LIN52: variants seen among roughly 807,000 people sequenced by gnomAD.
LIN52 encodes the protein protein lin-52 homolog.
A neutral mutation model predicts 18.5 loss-of-function variants in LIN52; 4 were observed. The ratio of observed to expected loss-of-function variants is 0.22; its 90% confidence interval spans 0.11 to 0.49. LIN52 has a LOEUF of 0.49. Ranked by LOEUF, LIN52 falls within the 20% of genes least tolerant of loss-of-function variation. The pLI, the probability that LIN52 is intolerant of heterozygous loss-of-function variation, is 0.97. For missense variants in LIN52, 102 were observed against 139.5 expected, an observed-to-expected ratio of 0.73 and a Z score of 1.35; for synonymous variants, 34 against 45.5, an observed-to-expected ratio of 0.75 and a Z score of 1.02.
At chr14:74,197,827 G>A (rs1015592333) in intron 5 of LIN52, among the ~76,000 whole-genome samples, 2 of 152,182 alleles carry the variant, frequency 1.3e-5, no homozygotes, top group African/African-American at 2.4e-5. Flanking sequence ...ACTTAAATTG[G>A]GGCAGAGGGG....
In LIN52 at chr14:74,114,137, C is replaced by T. The variant is rs1418844553; in HGVS notation, c.283+12899C>T. The T allele has an allele frequency of 1.3e-5, 13 of 984,218 alleles. No individual in the cohort carries two copies. In the Admixed American group the frequency reaches 3.1e-4, roughly 24 times the overall value. 61.0% of individuals were successfully genotyped at this position (984,218 alleles called of 1,614,324 possible). A position where few individuals can be genotyped will look rare whatever the true frequency, so the allele number is the denominator to read the frequency against. Reference sequence around the variant, plus strand: ...CTGGGACTACAGGTGTGAGCCACAGCGCCCGGCCAGAAATGCTTTTTTAAT... The same window carrying T: ...CTGGGACTACAGGTGTGAGCCACAGTGCCCGGCCAGAAATGCTTTTTTAAT... On this transcript the variant is annotated intron_variant, in intron 5 of 5. Transcript: ENST00000555028.
At chr14:74,139,975 A>G (rs2061120462) in intron 5 of LIN52, among the ~76,000 whole-genome samples, 1 of 152,178 alleles carries the variant, frequency 6.6e-6, no homozygotes, top group Admixed American at 6.5e-5. Context: ...CTTCATAGCT[A>G]GTAAAAAAGC....
intron 5 of LIN52, chr14:74,114,208 G>GTGTGTA (rs1448411119): frequency 1.0e-6 from 1 of 969,294 alleles, no homozygotes; most frequent in Non-Finnish European, 1.2e-6. Flanking sequence ...GTGTGTGTGT[G>GTGTGTA]TGTGTAGTTT....
chr14:74,116,903 A>G (rs2060968836), intron 5 of LIN52, among the ~76,000 whole-genome samples: 2 of 151,778 alleles, frequency 1.3e-5, no homozygotes, highest in Admixed American at 1.3e-4. Context: ...GTATGTTTTA[A>G]TGACTATCTT....
intron 5 of LIN52, among the ~76,000 whole-genome samples, chr14:74,166,734 G>A (rs1185546247): frequency 6.6e-6 from 1 of 152,028 alleles, no homozygotes; most frequent in African/African-American, 2.4e-5. Flanking sequence ...TTTTCCCTTG[G>A]TGTAAGGGGT....
chr14:74,130,995 CT>C (rs2061063185), intron 5 of LIN52, among the ~76,000 whole-genome samples: 1 of 152,022 alleles, frequency 6.6e-6, no homozygotes, highest in African/African-American at 2.4e-5. Flanking sequence ...TCTCTGTTGC[CT>C]GGCTGGTCTC....
At chr14:74,106,054 G>T (rs527415490) in intron 5 of LIN52, among the ~76,000 whole-genome samples, 11 of 152,272 alleles carry the variant, frequency 7.2e-5, no homozygotes, top group African/African-American at 2.6e-4. Context: ...CTCTTGGCTT[G>T]ATTTGGGCAG....
At chr14:74,133,559 G>A (rs552707785) in intron 5 of LIN52, among the ~76,000 whole-genome samples, 133 of 152,300 alleles carry the variant, frequency 8.7e-4, no homozygotes, top group Non-Finnish European at 1.5e-3. Flanking sequence ...ACTCAGTCCA[G>A]TATTGAAAAA....
At chr14:74,157,913 TTG>T (rs1432748285) in intron 5 of LIN52, among the ~76,000 whole-genome samples, 1 of 152,144 alleles carries the variant, frequency 6.6e-6, no homozygotes, top group Non-Finnish European at 1.5e-5. Flanking sequence ...ATTAAGGGCT[TTG>T]TGCATCATTT....
intron 5 of LIN52, among the ~76,000 whole-genome samples, chr14:74,121,337 C>T (rs1415672676): frequency 6.6e-6 from 1 of 152,136 alleles, no homozygotes; most frequent in African/African-American, 2.4e-5. Flanking sequence ...TTTCTTATAC[C>T]ACTAGCCATA....
intron 5 of LIN52, among the ~76,000 whole-genome samples, chr14:74,192,068 A>T (rs1178941778): frequency 1.3e-5 from 2 of 151,270 alleles, no homozygotes; most frequent in South Asian, 4.2e-4. Context: ...ATTCACACAG[A>T]TGCAAGTCAT....
chr14:74,194,131 G>T (rs1471133576), intron 5 of LIN52, among the ~76,000 whole-genome samples: 1 of 152,202 alleles, frequency 6.6e-6, no homozygotes, highest in Admixed American at 6.5e-5. Flanking sequence ...ATTGGGGAAA[G>T]GTGCAGAGCC....
intron 5 of LIN52, among the ~76,000 whole-genome samples, chr14:74,149,386 T>C (rs2061166822): frequency 6.6e-6 from 1 of 152,204 alleles, no homozygotes; most frequent in Non-Finnish European, 1.5e-5. Flanking sequence ...TCTAAATTCA[T>C]AGGTATTAAA....
At position 74,201,457 on chromosome 14, in the gene LIN52, G is replaced by A. The variant is rs549245284; in HGVS notation, c.*2480G>A. On this transcript the variant is annotated 3_prime_UTR_variant, in exon 6 of 6. Coordinates refer to ENST00000555028, the MANE Select transcript of LIN52 (RefSeq NM_001024674.3). Reference sequence around the variant, plus strand: ...ATTTAGAAACCCTTAATACCTTCCCGTGTCTACTAATAAAGTCTCAATCTC... The same window carrying A: ...ATTTAGAAACCCTTAATACCTTCCCATGTCTACTAATAAAGTCTCAATCTC... Among the ~76,000 whole-genome samples, 7 of 152,062 alleles carry A rather than the reference G, an allele frequency of 4.6e-5. No homozygotes were observed. The highest frequency in any genetic ancestry group is 1.2e-4 in the African/African-American group (5 of 41,402).
At chr14:74,165,831 T>C (rs1280752159) in intron 5 of LIN52, among the ~76,000 whole-genome samples, 2 of 151,050 alleles carry the variant, frequency 1.3e-5, no homozygotes, top group African/African-American at 4.9e-5. Flanking sequence ...AAACATTGTT[T>C]AGCCTTGTTT....
Position 74,130,278 on chromosome 14 carries a change from G to GTTTGTTTTTTTTTTTTTT in LIN52, c.283+29043_283+29044insGTTTTTTTTTTTTTTTTT, listed in dbSNP as rs1555382571. On this transcript the variant is annotated intron_variant, in intron 5 of 5. Coordinates refer to ENST00000555028, the MANE Select transcript of LIN52 (RefSeq NM_001024674.3). ...GAATTTATTAGATAGGCATTTTTTG[G>GTTTGTTTTTTTTTTTTTT]TTTTTTTTTTTTTTTTTTGAGACAG... is the stretch of plus-strand genomic sequence containing the variant. 1.7e-3 allele frequency among the ~76,000 whole-genome samples: 110 copies of GTTTGTTTTTTTTTTTTTT among 64,812 alleles called. 2 individuals carry two copies. Among genetic ancestry groups the GTTTGTTTTTTTTTTTTTT allele is most frequent in the African/African-American group, 6.1e-3 (97 of 15,868 alleles). The allele number at this position is 64,812 out of a possible 152,430, so 42.5% of individuals were successfully genotyped here.
chr14:74,154,367 T>C (rs1296242566), intron 5 of LIN52, among the ~76,000 whole-genome samples: 1 of 152,238 alleles, frequency 6.6e-6, no homozygotes, highest in African/African-American at 2.4e-5. Context: ...AGGTTGTTCT[T>C]AATCATAATG....
At chr14:74,091,211 C>T in intron 1 of LIN52, 21 bp from the exon 2 acceptor site, 1 of 1,573,984 alleles carries the variant, frequency 6.4e-7, no homozygotes, top group Non-Finnish European at 8.7e-7. Context: ...CTTCTTGGTT[C>T]ATCTGGATGT....
intron 5 of LIN52, among the ~76,000 whole-genome samples, chr14:74,185,630 TG>T (rs2061337966): frequency 6.6e-6 from 1 of 152,170 alleles, no homozygotes; most frequent in African/African-American, 2.4e-5. Context: ...TCTTTTTTAA[TG>T]CTGAAAATCT....
Sources: allele counts gnomAD v4.1 joint callset (sites outside exome capture counted in the v4.1 genomes callset), GRCh38; gene constraint gnomAD v4.1.1; transcripts MANE v1.5; gene names NCBI Gene and HGNC (gene_info 2026-07-23, HGNC 2026-07-21).